PLEKHA4: variants seen among roughly 807,000 people sequenced by gnomAD.
PLEKHA4 encodes pleckstrin homology domain containing A4, also known as pleckstrin homology domain-containing family A member 4.
Under a neutral mutation model 94.7 loss-of-function variants are expected in PLEKHA4, and 73 were observed. The ratio of observed to expected loss-of-function variants is 0.77; its 90% CI spans 0.64 to 0.94. The LOEUF (loss-of-function observed/expected upper bound fraction) is 0.94. Among genes scored for constraint, PLEKHA4 ranks in the 40% least tolerant of loss-of-function variants. The pLI, the probability that PLEKHA4 is intolerant of heterozygous loss-of-function variation, is 0.00. For synonymous variants in PLEKHA4, 449 were observed against 437.1 expected (o/e 1.03, Z -0.34); for missense variants, 1,049 against 1,054.1 (o/e 1.00, Z 0.07).
At chr19:48,860,088 T>A in intron 6 of PLEKHA4, 1 of 576,200 alleles carries the variant, frequency 1.7e-6, no homozygotes, top group South Asian at 2.2e-5. Flanking sequence ...GCAATATTGA[T>A]CATTCCTGGA....
At chr19:48,855,595 T>G (rs949728188) in intron 9 of PLEKHA4, among the ~76,000 whole-genome samples, 1 of 137,340 alleles carries the variant, frequency 7.3e-6, no homozygotes, top group Admixed American at 7.4e-5. Flanking sequence ...CAGAGTGAGA[T>G]TTCGTCTCAA....
At position 48,837,382 on chromosome 19, in the gene PLEKHA4, C is replaced by T; in HGVS notation, c.2247G>A (p.Gly749=). The part of the protein sequence containing the change: ...SGRGGGPTPW[G]PAWDAGIAPP... ...GGGCGATCCCGGCATCCCACGCGGG[C>T]CCCCAGGGGGTGGGACCTCCTCCAC... Residue 749 remains glycine (G), a synonymous_variant, in exon 20 of 20, where the codon GGG becomes GGA. Transcript: ENST00000263265. This position sits in a 1 kb window ranked among gnomAD's most constrained non-coding sequence, Gnocchi z 4.3. 1.2e-6 allele frequency: 2 copies of T among 1,613,710 alleles called. No individual in the cohort carries two copies. The highest frequency in any genetic ancestry group is 1.7e-6 in the Non-Finnish European group (2 of 1,179,962).
At chr19:48,862,323 C>A (rs1421008126) in intron 3 of PLEKHA4, among the ~76,000 whole-genome samples, 1 of 151,088 alleles carries the variant, frequency 6.6e-6, no homozygotes, top group Admixed American at 6.6e-5. Context: ...GCCTCAGCCT[C>A]CCGAGTAACT....
In PLEKHA4 at chr19:48,858,627, C is replaced by CAAAAAAAAAAAAAA. The variant is rs56663437; in HGVS notation, c.972+219_972+232dup. 2.0e-4 allele frequency among the ~76,000 whole-genome samples: 13 copies of CAAAAAAAAAAAAAA among 63,438 alleles called. 2 individuals are homozygous for CAAAAAAAAAAAAAA. The highest frequency in any genetic ancestry group is 9.7e-4 in the African/African-American group (9 of 9,246). 41.6% of individuals were successfully genotyped at this position (63,438 alleles called of 152,430 possible). ...TGGCGACAGAGCAAGACCTCAGTCT[C>CAAAAAAAAAAAAAA]AAAAAAAAAAAAAAAAAGCAATGGC... On this transcript the variant is annotated intron_variant, in intron 8 of 19. Transcript: ENST00000263265.
At chr19:48,860,601 A>T (rs750357725) in intron 5 of PLEKHA4, 142 bp from the exon 6 acceptor site, 8 of 636,188 alleles carry the variant, frequency 1.3e-5, no homozygotes, top group Non-Finnish European at 2.2e-5. Flanking sequence ...TAGGCAACAT[A>T]ATGAGACACC....
At chr19:48,864,324 GC>G (rs1205920811) in intron 3 of PLEKHA4, among the ~76,000 whole-genome samples, 6 of 152,000 alleles carry the variant, frequency 3.9e-5, no homozygotes, top group African/African-American at 1.4e-4. Flanking sequence ...CCCCAAGCTG[GC>G]CCGGCTAATT....
rs948831083 is a variant in PLEKHA4, at chr19:48,865,498, C to T, written c.192+5G>A. The T allele has an allele frequency of 6.2e-7, 1 of 1,611,554 alleles. No individual in the cohort carries two copies. The highest frequency in any genetic ancestry group is 8.5e-7 in the Non-Finnish European group (1 of 1,177,822). On this transcript the variant is annotated splice_donor_5th_base_variant and intron_variant, in intron 3 of 19. Coordinates refer to ENST00000263265, the MANE Select transcript of PLEKHA4 (RefSeq NM_020904.3). ...GTGTCCTTTTCCTTCTCCTACTGAC[C>T]CCACCTGCTTATGAAGCCAGCCTCG... is the stretch of plus-strand genomic sequence containing the variant.
rs376821797 is a variant in PLEKHA4 at position 48,867,666 on chromosome 19, C to T, written c.-6-40G>A. On this transcript the variant is annotated intron_variant, in intron 1 of 19. Transcript: ENST00000263265. The surrounding 1 kb of genome is among the most constrained non-coding windows in gnomAD (Gnocchi z 4.7). ...GAAAGGGGCTGTGTCTCTGCAGTGACGGGTGTGAGACAGAGATGGGGTCAG... is the reference window on the plus strand; with the variant it reads ...GAAAGGGGCTGTGTCTCTGCAGTGATGGGTGTGAGACAGAGATGGGGTCAG... The T allele has an allele frequency of 4.4e-4, 674 of 1,543,304 alleles. No homozygotes were observed. Among genetic ancestry groups the T allele is most frequent in the Non-Finnish European group, 5.7e-4 (645 of 1,138,186 alleles).
intron 9 of PLEKHA4, 109 bp from the exon 10 acceptor site, chr19:48,854,373 T>C: frequency 1.1e-6 from 1 of 929,722 alleles, no homozygotes. Flanking sequence ...ACTATTTATT[T>C]ATTTATTTAT....
intron 13 of PLEKHA4, among the ~76,000 whole-genome samples, chr19:48,849,967 C>A (rs112613997): frequency 1.3e-5 from 2 of 152,292 alleles, no homozygotes; most frequent in African/African-American, 4.8e-5. Context: ...AATCCCAGCA[C>A]TTTGGGAGGC....
At chr19:48,862,204 C>CTTTTTTTTT (rs747491446) in intron 3 of PLEKHA4, among the ~76,000 whole-genome samples, 7 of 135,526 alleles carry the variant, frequency 5.2e-5, no homozygotes, top group Non-Finnish European at 7.9e-5. Flanking sequence ...TTTTCTCTCT[C>CTTTTTTTTT]TTTTTTTTTT....
At chr19:48,841,975 A>G (rs1404803485) in intron 16 of PLEKHA4, among the ~76,000 whole-genome samples, 1 of 151,906 alleles carries the variant, frequency 6.6e-6, no homozygotes, top group Non-Finnish European at 1.5e-5. Flanking sequence ...CAGAGAGAGC[A>G]CTCATTGCTG....
intron 14 of PLEKHA4, among the ~76,000 whole-genome samples, 161 bp downstream of exon 14, chr19:48,847,739 C>T (rs991267864): frequency 6.6e-6 from 1 of 151,914 alleles, no homozygotes; most frequent in Admixed American, 6.6e-5. Flanking sequence ...CTCAAAAAAA[C>T]CCCCGAAAAA....
intron 17 of PLEKHA4, 28 bp downstream of exon 17, chr19:48,841,121 C>G: frequency 6.3e-7 from 1 of 1,594,302 alleles, no homozygotes; most frequent in Non-Finnish European, 8.5e-7. Context: ...ACCACCCCAC[C>G]GCCCAGCCCC....
rs1286687833 is a variant in PLEKHA4 at position 48,857,072 on chromosome 19, G to A, written c.1047+350C>T. On this transcript the variant is annotated intron_variant, in intron 9 of 19. Transcript: ENST00000263265. The stretch of plus-strand genomic sequence containing the variant: ...CAAAGGAAGATCATCATGGGATGAT[G>A]GAGGCAAAGATGTGGCCATAAAAAA... 3.3e-5 allele frequency among the ~76,000 whole-genome samples: 5 copies of A among 152,062 alleles called. No individual in the cohort carries two copies. The East Asian group carries it at 9.6e-4, about 29-fold the overall frequency.
rs34460869 is a variant in PLEKHA4, at chr19:48,837,489, T to C, written c.2140A>G (p.Thr714Ala). 37,345 of 1,612,688 alleles carry C rather than the reference T, an allele frequency of 0.023. 2,175 individuals are homozygous for C. Among genetic ancestry groups the C allele is most frequent in the African/African-American group, 0.21 (15,721 of 74,836 alleles). The change falls in exon 20 of 20, where the codon ACG becomes GCG. Residue 714 changes from threonine to alanine, a missense_variant. Transcript: ENST00000263265. This position sits in a 1 kb window ranked among gnomAD's most constrained non-coding sequence, Gnocchi z 4.3. ...CTGGGGGGAGGGGTCTCCTGGCGCG[T>C]GGGGTCCGAAGGAGGCAGCGGCACA... ...PGVPLPPSDP[T>A]RQETPPPRSP...
At chr19:48,842,337 G>A (rs532368606) in intron 16 of PLEKHA4, among the ~76,000 whole-genome samples, 1 of 152,048 alleles carries the variant, frequency 6.6e-6, no homozygotes, top group African/African-American at 2.4e-5. Flanking sequence ...TTTTAGTACA[G>A]ACAGGGTTTC....
chr19:48,860,263 G>A (rs1041143474), intron 6 of PLEKHA4, 87 bp downstream of exon 6: 5 of 1,144,762 alleles, frequency 4.4e-6, no homozygotes, highest in Non-Finnish European at 6.5e-6. Flanking sequence ...GGACACTCAA[G>A]GGGGCAGGGC....
chr19:48,856,123 A>T (rs546110702), intron 9 of PLEKHA4, among the ~76,000 whole-genome samples: 15 of 151,280 alleles, frequency 9.9e-5, no homozygotes, highest in African/African-American at 2.7e-4. Flanking sequence ...GTGAGCCGAG[A>T]TCACGCCATT....
Sources: allele counts gnomAD v4.1 joint callset (sites outside exome capture counted in the v4.1 genomes callset), GRCh38; gene constraint gnomAD v4.1.1; non-coding constraint Gnocchi (gnomAD v3.1); transcripts MANE v1.5; gene names NCBI Gene and HGNC (gene_info 2026-07-23, HGNC 2026-07-21).